Variants in ACSL6 observed in about 807,000 individuals in gnomAD.
The protein encoded by ACSL6 is acyl-CoA synthetase long chain family member 6.
ACSL6 carries 47 observed loss-of-function variants against 98.2 expected under a neutral mutation model. The ratio of observed to expected loss-of-function variants is 0.48; its 90% CI spans 0.38 to 0.61. ACSL6 has a LOEUF of 0.61. Among genes scored for constraint, ACSL6 ranks in the 20% least tolerant of loss-of-function variants. The probability of loss-of-function intolerance (pLI) is 0.00; values close to 1 mark genes in which losing one functional copy is unlikely to be tolerated. For missense variants in ACSL6, 761 were observed against 913.4 expected, an observed-to-expected ratio of 0.83 and a Z score of 2.15; for synonymous variants, 362 against 336.9, an observed-to-expected ratio of 1.07 and a Z score of -0.82.
chr5:131,970,096 C>T (rs771796341), intron 15 of ACSL6, 32 bp downstream of exon 15: 48 of 1,608,020 alleles, frequency 3.0e-5, no homozygotes, highest in African/African-American at 1.2e-4. Flanking sequence ...CAGTGCCTCG[C>T]GAGCCAGTCC....
chr5:131,973,390 T>G lies in ACSL6; in HGVS notation c.1079A>C (p.Tyr360Ser). The change falls in exon 12 of 21, where the codon TAT (tyrosine) becomes TCT (serine). Residue 360 changes from tyrosine (Y) to serine (S), a missense_variant. Transcript: ENST00000651883. ...GAAGCCAACACGCCCTCCGTGGCAA[T>G]AGACGACAGACTAGAAAGACAGGAC... ...MFERVIQSVV[Y>S]CHGGRVGFFQ... 1 of 1,614,028 alleles carries G rather than the reference T, an allele frequency of 6.2e-7. No homozygotes were observed.
rs1203108101 is a variant in ACSL6, at chr5:131,959,620, A to G, written c.1960-13T>C. On this transcript the variant is annotated splice_polypyrimidine_tract_variant and intron_variant, in intron 19 of 20. Transcript: ENST00000651883. ...CTTTCTTCAGATCCTGAATCAAACC[A>G]TATGAGAAAAATTACAAGACAAGAA... 6.2e-7 allele frequency: 1 copy of G among 1,613,202 alleles called. No individual in the cohort carries two copies. Among genetic ancestry groups the G allele is most frequent in the Non-Finnish European group, 8.5e-7 (1 of 1,179,114 alleles).
chr5:132,000,797 C>T (rs1380547499), intron 1 of ACSL6, among the ~76,000 whole-genome samples: 1 of 152,214 alleles, frequency 6.6e-6, no homozygotes, highest in Non-Finnish European at 1.5e-5. Context: ...ACCCTGCTCC[C>T]TTGCTGCAAG....
intron 13 of ACSL6, among the ~76,000 whole-genome samples, chr5:131,971,924 T>C (rs1753330679): frequency 6.6e-6 from 1 of 152,202 alleles, no homozygotes; most frequent in South Asian, 2.1e-4. Flanking sequence ...CATTCTATAA[T>C]ATTGGTTCTT....
chr5:131,965,234 A>G (rs555230622), intron 17 of ACSL6, among the ~76,000 whole-genome samples: 2 of 152,296 alleles, frequency 1.3e-5, no homozygotes, highest in South Asian at 4.1e-4. Flanking sequence ...CCAAAGACAC[A>G]GGAGAGTTTC....
intron 1 of ACSL6, chr5:132,003,684 G>A (rs1016776791): frequency 2.0e-5 from 3 of 152,286 alleles, no homozygotes; most frequent in African/African-American, 7.2e-5. Context: ...GCAGGCCATT[G>A]GGCGTTGTTC....
chr5:131,984,348 C>A (rs1754056460), intron 9 of ACSL6: 1 of 152,250 alleles, frequency 6.6e-6, no homozygotes, highest in African/African-American at 2.4e-5. Flanking sequence ...GCATGCAGAG[C>A]CCCAGTTCAC....
Position 131,988,862 on chromosome 5 carries a change from C to T in ACSL6, c.595G>A (p.Val199Met), listed in dbSNP as rs1201280906. ...CCCAGGGTGTCATAGAGCGGGACCA[C>T]CACCATGGAATATGTGTAGCAGGCC... ...ELACYTYSMV[V>M]VPLYDTLGPG... The change falls in exon 6 of 21, where the codon GTG becomes ATG. Residue 199 changes from valine (V) to methionine (M), a missense_variant. By Grantham distance (21) the Val-to-Met change is conservative. Coordinates refer to ENST00000651883, the MANE Select transcript of ACSL6 (RefSeq NM_001009185.3). 11 of 1,613,688 alleles carry T rather than the reference C, an allele frequency of 6.8e-6. No homozygotes were observed. The highest frequency in any genetic ancestry group is 9.3e-6 in the Non-Finnish European group (11 of 1,179,974).
intron 1 of ACSL6, among the ~76,000 whole-genome samples, chr5:131,995,519 C>T (rs1166309625): frequency 2.0e-5 from 3 of 152,168 alleles, no homozygotes; most frequent in African/African-American, 7.2e-5. Context: ...TCCTCACAGG[C>T]CCTAAGCCTT....
At chr5:131,996,570 A>AC (rs1754803709) in intron 1 of ACSL6, among the ~76,000 whole-genome samples, 1 of 152,220 alleles carries the variant, frequency 6.6e-6, no homozygotes, top group Non-Finnish European at 1.5e-5. Context: ...TCAGCTGTAT[A>AC]CCCCAAAAGT....
chr5:131,971,322 G>A (rs181247273), intron 14 of ACSL6, among the ~76,000 whole-genome samples: 29 of 152,218 alleles, frequency 1.9e-4, no homozygotes, highest in Non-Finnish European at 1.5e-5. Context: ...ACTTCCAAAG[G>A]TCCAGATAAA....
chr5:131,969,627 T>C (rs183115595), intron 15 of ACSL6, among the ~76,000 whole-genome samples: 3 of 152,322 alleles, frequency 2.0e-5, no homozygotes, highest in Admixed American at 2.0e-4. Flanking sequence ...GCTTATAGTA[T>C]TTTAGAATGA....
intron 1 of ACSL6, among the ~76,000 whole-genome samples, chr5:131,998,818 C>T (rs1383101390): frequency 6.6e-6 from 1 of 152,202 alleles, no homozygotes; most frequent in African/African-American, 2.4e-5. Context: ...CATGTCATGC[C>T]ACTGCTCAGA....
rs1755715819 is a variant in ACSL6, at chr5:132,011,350, G to A, written c.49+155C>T. 3 of 778,886 alleles carry A rather than the reference G, an allele frequency of 3.9e-6. No individual in the cohort carries two copies. Among genetic ancestry groups the A allele is most frequent in the Non-Finnish European group, 6.4e-6 (3 of 467,418 alleles). 48.2% of individuals were successfully genotyped at this position (778,886 alleles called of 1,614,324 possible). The stretch of plus-strand genomic sequence containing the variant: ...AGCCCGCGAGAACTGGGGGCGGAGG[G>A]TGTACTTAGGCGGCCCTGGGGACCT... On this transcript the variant is annotated intron_variant, in intron 1 of 20. Coordinates refer to ENST00000651883, the MANE Select transcript of ACSL6 (RefSeq NM_001009185.3). The surrounding 1 kb of genome is among the most constrained non-coding windows in gnomAD (Gnocchi z 5.4).
chr5:131,999,936 T>C (rs1165476420), intron 1 of ACSL6, among the ~76,000 whole-genome samples: 1 of 152,074 alleles, frequency 6.6e-6, no homozygotes, highest in Non-Finnish European at 1.5e-5. Flanking sequence ...TACACATCCA[T>C]TTGAGACAAT....
At chr5:131,996,372 A>G (rs994837722) in intron 1 of ACSL6, among the ~76,000 whole-genome samples, 1 of 152,228 alleles carries the variant, frequency 6.6e-6, no homozygotes, top group Non-Finnish European at 1.5e-5. Flanking sequence ...TCCTTAAGCT[A>G]TAGATGGGAA....
At chr5:131,977,454 C>T (rs965716947) in intron 9 of ACSL6, among the ~76,000 whole-genome samples, 25 of 152,150 alleles carry the variant, frequency 1.6e-4, no homozygotes, top group African/African-American at 5.8e-4. Context: ...TCCCAAAGTT[C>T]CTGCCGGACA....
At position 131,986,824 on chromosome 5, in the gene ACSL6, C is replaced by T. The variant is rs1423296351; in HGVS notation, c.862G>A (p.Val288Met). ...DCGQENHQAPVPPQPDDLSIV... is the reference protein window; with the variant it reads ...DCGQENHQAPMPPQPDDLSIV... ...GACCTGCAGGTGAATTCGCTTACCA[C>T]AGGAGCCTGGTGATTCTCTTGGCCA... is the stretch of plus-strand genomic sequence containing the variant. The change falls in exon 8 of 21, where the codon GTG (valine) becomes ATG (methionine). Residue 288 changes from valine (V) to methionine (M), a missense_variant and splice_region_variant. Val to Met is a conservative substitution (Grantham distance 21). Coordinates refer to ENST00000651883, the MANE Select transcript of ACSL6 (RefSeq NM_001009185.3). 17 of 1,614,232 alleles carry T rather than the reference C, an allele frequency of 1.1e-5. No individual in the cohort carries two copies. The highest frequency in any genetic ancestry group is 1.4e-5 in the Non-Finnish European group (16 of 1,180,038).
chr5:132,003,959 T>C (rs2126955361), intron 1 of ACSL6: 1 of 152,300 alleles, frequency 6.6e-6, no homozygotes, highest in South Asian at 2.1e-4. Flanking sequence ...ATTCTCACAG[T>C]GTTGATGGTA....
Sources: allele counts gnomAD v4.1 joint callset (sites outside exome capture counted in the v4.1 genomes callset), GRCh38; gene constraint gnomAD v4.1.1; non-coding constraint Gnocchi (gnomAD v3.1); transcripts MANE v1.5; gene names NCBI Gene and HGNC (gene_info 2026-07-23, HGNC 2026-07-21).